Variants in EPHB1 observed in about 807,000 individuals in gnomAD.
EPHB1 encodes EPH receptor B1.
In EPHB1, 30 loss-of-function variants were observed where a neutral mutation model predicts 94.4. The observed-to-expected ratio is 0.32, with a 90% CI of 0.24 to 0.43. The LOEUF (loss-of-function observed/expected upper bound fraction) is 0.43, where lower values mean the gene tolerates loss of function less well. Ranked by LOEUF, EPHB1 falls within the 20% of genes least tolerant of loss-of-function variation. EPHB1 has a pLI of 1.00. For missense variants in EPHB1, 1,055 were observed against 1,308.3 expected, an observed-to-expected ratio of 0.81 and a Z score of 2.99; for synonymous variants, 522 against 489.1, an observed-to-expected ratio of 1.07 and a Z score of -0.89.
At chr3:135,019,506 C>T (rs1445832803) in intron 3 of EPHB1, among the ~76,000 whole-genome samples, 7 of 151,994 alleles carry the variant, frequency 4.6e-5, no homozygotes, top group Non-Finnish European at 8.8e-5. Flanking sequence ...ATAAAATATG[C>T]CTATCGTAGA....
chr3:135,038,597 C>T (rs1298792124), intron 3 of EPHB1, among the ~76,000 whole-genome samples: 3 of 152,124 alleles, frequency 2.0e-5, no homozygotes, highest in Admixed American at 1.3e-4. Context: ...AATGAAGCCG[C>T]GGACCCTCGC....
intron 1 of EPHB1, among the ~76,000 whole-genome samples, chr3:134,884,139 C>T (rs746635497): frequency 7.2e-5 from 11 of 152,200 alleles, no homozygotes; most frequent in Non-Finnish European, 1.5e-4. Flanking sequence ...AGTCAGACTT[C>T]CAAGCCAGTG....
At chr3:134,903,348 A>G (rs572722690) in intron 1 of EPHB1, among the ~76,000 whole-genome samples, 220 of 152,248 alleles carry the variant, frequency 1.4e-3, no homozygotes, top group African/African-American at 5.1e-3. Flanking sequence ...GTGCTGGCAA[A>G]ACAAGGGTGA....
chr3:135,241,149 G>C lies in EPHB1; in HGVS notation c.2348G>C (p.Gly783Ala). 6.2e-7 allele frequency: 1 copy of C among 1,614,188 alleles called. No homozygotes were observed. The highest frequency in any genetic ancestry group is 8.5e-7 in the Non-Finnish European group (1 of 1,180,030). Residue 783 changes from glycine to alanine, a missense_variant and splice_region_variant, in exon 13 of 16, where the codon GGA (glycine) becomes GCA (alanine). Coordinates refer to ENST00000398015, the MANE Select transcript of EPHB1 (RefSeq NM_004441.5). ...GACCACGGTTTCTCCTTCTTTCAGG[G>C]AGGGAAGATCCCTGTGAGATGGACA... ...TSDPTYTSSL[G>A]GKIPVRWTAP...
At chr3:134,874,935 C>T (rs1339412256) in intron 1 of EPHB1, among the ~76,000 whole-genome samples, 2 of 152,242 alleles carry the variant, frequency 1.3e-5, no homozygotes, top group African/African-American at 4.8e-5. Context: ...CCGCCTCTCT[C>T]AAGCTCAGAG....
At chr3:134,800,201 T>C (rs2035910851) in intron 1 of EPHB1, among the ~76,000 whole-genome samples, 1 of 152,148 alleles carries the variant, frequency 6.6e-6, no homozygotes, top group Non-Finnish European at 1.5e-5. Flanking sequence ...CTTTGTTGAG[T>C]GGGTCATGTT....
intron 3 of EPHB1, among the ~76,000 whole-genome samples, chr3:135,000,350 T>C (rs575010739): frequency 2.0e-5 from 3 of 152,222 alleles, no homozygotes; most frequent in African/African-American, 7.2e-5. Flanking sequence ...AGGGTACATA[T>C]AGCTCAATAC....
intron 3 of EPHB1, among the ~76,000 whole-genome samples, chr3:134,989,135 T>A (rs1430811742): frequency 6.6e-6 from 1 of 152,192 alleles, no homozygotes; most frequent in African/African-American, 2.4e-5. Context: ...GCTTACTGTG[T>A]CTCTGGCACC....
chr3:135,092,822 T>C (rs1440574816), intron 3 of EPHB1, among the ~76,000 whole-genome samples: 3 of 152,230 alleles, frequency 2.0e-5, no homozygotes, highest in Non-Finnish European at 4.4e-5. Flanking sequence ...AAATGAAGTT[T>C]TGACATGTTG....
intron 3 of EPHB1, among the ~76,000 whole-genome samples, chr3:135,000,649 A>G (rs1364915351): frequency 2.0e-5 from 3 of 152,224 alleles, no homozygotes; most frequent in African/African-American, 7.2e-5. Context: ...TGGCATTGTT[A>G]CAAAAACTCT....
chr3:135,151,642 A>G (rs968760198), intron 5 of EPHB1, among the ~76,000 whole-genome samples: 1 of 152,236 alleles, frequency 6.6e-6, no homozygotes, highest in African/African-American at 2.4e-5. Flanking sequence ...TCTAGAACCT[A>G]AAAAGTGACT....
intron 3 of EPHB1, among the ~76,000 whole-genome samples, chr3:135,043,576 G>A (rs73864235): frequency 0.018 from 2,713 of 152,152 alleles, 92 homozygotes; most frequent in African/African-American, 0.063. Context: ...CAAGGAGCAG[G>A]CCTCACTGAC....
intron 3 of EPHB1, among the ~76,000 whole-genome samples, chr3:135,010,748 G>C (rs1935593121): frequency 6.6e-6 from 1 of 151,882 alleles, no homozygotes; most frequent in Admixed American, 6.6e-5. Context: ...ATTTTTAGTA[G>C]AGATGGGATT....
chr3:134,932,880 A>G (rs765776859), intron 2 of EPHB1, among the ~76,000 whole-genome samples: 6 of 152,228 alleles, frequency 3.9e-5, no homozygotes, highest in Non-Finnish European at 8.8e-5. Flanking sequence ...TGCCAGAGGC[A>G]GGAGGGCAGA....
intron 1 of EPHB1, among the ~76,000 whole-genome samples, chr3:134,893,926 T>G (rs1009131994): frequency 6.6e-6 from 1 of 152,236 alleles, no homozygotes; most frequent in African/African-American, 2.4e-5. Context: ...TGGACCCAAC[T>G]GAGCAAATGA....
chr3:134,906,651 G>A (rs1439327007), intron 1 of EPHB1, among the ~76,000 whole-genome samples: 1 of 152,220 alleles, frequency 6.6e-6, no homozygotes, highest in African/African-American at 2.4e-5. Context: ...TTGAGTAGTT[G>A]CAACAGAGAT....
chr3:135,240,865 C>T (rs1943766565), intron 12 of EPHB1, among the ~76,000 whole-genome samples: 1 of 152,008 alleles, frequency 6.6e-6, no homozygotes, highest in Non-Finnish European at 1.5e-5. Flanking sequence ...TCTCCTCCCA[C>T]CCACCTCCCC....
intron 3 of EPHB1, among the ~76,000 whole-genome samples, chr3:135,064,266 G>A (rs1937552659): frequency 1.3e-5 from 2 of 152,118 alleles, no homozygotes; most frequent in African/African-American, 2.4e-5. Flanking sequence ...AGTGTCAAAA[G>A]GATTGGTACC....
At chr3:134,811,331 C>A (rs987406476) in intron 1 of EPHB1, among the ~76,000 whole-genome samples, 12 of 141,790 alleles carry the variant, frequency 8.5e-5, no homozygotes, top group African/African-American at 2.7e-4. Flanking sequence ...CTCTGCCTCC[C>A]AAGTTCAAGC....
Sources: allele counts gnomAD v4.1 joint callset (sites outside exome capture counted in the v4.1 genomes callset), GRCh38; gene constraint gnomAD v4.1.1; transcripts MANE v1.5; gene names NCBI Gene and HGNC (gene_info 2026-07-23, HGNC 2026-07-21).